The following DNAAF4 variants were observed in gnomAD, a reference collection of about 807,000 sequenced individuals.
The protein encoded by DNAAF4 is dynein assembly factor 4, axonemal.
Under a neutral mutation model 51.8 loss-of-function variants are expected in DNAAF4, and 43 were observed. That is an observed-to-expected ratio of 0.83 (90% CI 0.65 to 1.07). DNAAF4 has a LOEUF of 1.07. DNAAF4 is among the 50% of genes least tolerant of loss of function. The pLI is 0.00. For synonymous variants in DNAAF4, 194 were observed against 165.6 expected (o/e 1.17, Z -1.32); for missense variants, 581 against 493.0 (o/e 1.18, Z -1.69).
chr15:55,480,337 C>T (rs946089035), intron 4 of DNAAF4, among the ~76,000 whole-genome samples: 5 of 152,094 alleles, frequency 3.3e-5, no homozygotes, highest in Admixed American at 1.3e-4. Flanking sequence ...TGGGATCCCC[C>T]GATACCCAAG....
At chr15:55,445,886 G>A (rs1182210467) in intron 6 of DNAAF4, among the ~76,000 whole-genome samples, 23 of 144,464 alleles carry the variant, frequency 1.6e-4, no homozygotes, top group Admixed American at 1.1e-3. Flanking sequence ...TCCCAGATGC[G>A]GCAGCCAGGC....
At chr15:55,446,533 G>T (rs1271842024) in intron 6 of DNAAF4, among the ~76,000 whole-genome samples, 1 of 147,020 alleles carries the variant, frequency 6.8e-6, no homozygotes, top group Non-Finnish European at 1.5e-5. Flanking sequence ...TTCCCAGACC[G>T]GGTGGCCGGG....
intron 6 of DNAAF4, among the ~76,000 whole-genome samples, chr15:55,445,392 G>A (rs952602790): frequency 6.6e-6 from 1 of 152,118 alleles, no homozygotes; most frequent in African/African-American, 2.4e-5. Flanking sequence ...CCATGCAGAA[G>A]AATTTTTCTT....
chr15:55,465,821 C>T (rs2058163487), intron 5 of DNAAF4, among the ~76,000 whole-genome samples: 1 of 152,124 alleles, frequency 6.6e-6, no homozygotes, highest in Admixed American at 6.5e-5. Context: ...CCGCCTTGTC[C>T]TCCCAAAGTG....
At chr15:55,452,245 A>G (rs1444462152) in intron 5 of DNAAF4, among the ~76,000 whole-genome samples, 10 of 3,774 alleles carry the variant, frequency 2.6e-3, no homozygotes, top group African/African-American at 8.7e-3. Context: ...ATGTCTCACT[A>G]AAAAAAAAAA....
intron 4 of DNAAF4, among the ~76,000 whole-genome samples, chr15:55,470,760 G>A (rs919803294): frequency 6.6e-6 from 1 of 150,882 alleles, no homozygotes; most frequent in Non-Finnish European, 1.5e-5. Flanking sequence ...GCCCAGGCTG[G>A]TCTTGAACTC....
At position 55,454,731 on chromosome 15, in the gene DNAAF4, A is replaced by T. The variant is rs530926301; in HGVS notation, c.638-4364T>A. On this transcript the variant is annotated intron_variant, in intron 5 of 9. Transcript: ENST00000321149. ...AATAGTTTTGAAATTCCCAGAATTG[A>T]TGAATGACAAAGTTCTCTGAGTGAC... 2.0e-5 allele frequency among the ~76,000 whole-genome samples: 3 copies of T among 152,330 alleles called. No homozygotes were observed. In the South Asian group the frequency reaches 6.2e-4, roughly 32 times the overall value.
intron 9 of DNAAF4, 137 bp downstream of exon 9, chr15:55,432,360 C>A (rs2057509900): frequency 1.8e-6 from 1 of 570,566 alleles, no homozygotes. Flanking sequence ...AGATATACTG[C>A]AGACATTACT....
rs1555413834 is a variant in DNAAF4 at position 55,433,919 on chromosome 15, T to TATA, written c.1047+983_1047+985dup. On this transcript the variant is annotated intron_variant, in intron 8 of 9. Transcript: ENST00000321149. Reference sequence around the variant, plus strand: ...ATTATATATATTATATATAATTATATATATTATATTATATAAAATATATAT... The same window carrying TATA: ...ATTATATATATTATATATAATTATATATAATATTATATTATATAAAATATATAT... Among the ~76,000 whole-genome samples the TATA allele has an allele frequency of 7.6e-4, 5 of 6,576 alleles. 1 individual carries two copies. Among genetic ancestry groups the TATA allele is most frequent in the African/African-American group, 1.3e-3 (3 of 2,358 alleles). The allele number at this position is 6,576 out of a possible 152,430, so 4.3% of individuals were successfully genotyped here. A position where few individuals can be genotyped will look rare whatever the true frequency, so the allele number is the denominator to read the frequency against.
intron 9 of DNAAF4, 90 bp from the exon 10 acceptor site, chr15:55,430,869 T>C (rs1194099583): frequency 9.6e-7 from 1 of 1,041,952 alleles, no homozygotes; most frequent in Non-Finnish European, 1.4e-6. Context: ...ATAAAAATAA[T>C]CACTAGTAGC....
intron 4 of DNAAF4, among the ~76,000 whole-genome samples, chr15:55,475,209 T>C (rs1279290860): frequency 6.6e-6 from 1 of 152,116 alleles, no homozygotes; most frequent in Non-Finnish European, 1.5e-5. Context: ...AAATATAAAA[T>C]TCATCTGCAA....
intron 5 of DNAAF4, among the ~76,000 whole-genome samples, chr15:55,462,903 G>A (rs1262060019): frequency 6.6e-6 from 1 of 152,176 alleles, no homozygotes; most frequent in Non-Finnish European, 1.5e-5. Flanking sequence ...GAGTGTGGTG[G>A]CTCATGCCTG....
chr15:55,464,320 C>G (rs2058137706), intron 5 of DNAAF4, among the ~76,000 whole-genome samples: 1 of 152,180 alleles, frequency 6.6e-6, no homozygotes, highest in Non-Finnish European at 1.5e-5. Context: ...GGATCAAAGA[C>G]TTAAGTCTAA....
At chr15:55,423,045 G>T (rs2057401081) in intron 7 of DNAAF4, among the ~76,000 whole-genome samples, 1 of 151,804 alleles carries the variant, frequency 6.6e-6, no homozygotes, top group South Asian at 2.1e-4. Flanking sequence ...TCTACAAGAA[G>T]AAGCGGTAGA....
At chr15:55,485,246 T>C (rs145121021) in intron 4 of DNAAF4, among the ~76,000 whole-genome samples, 5 of 152,102 alleles carry the variant, frequency 3.3e-5, no homozygotes, top group Non-Finnish European at 7.4e-5. Flanking sequence ...AAGTCTGACA[T>C]ACACTGAAGA....
intron 9 of DNAAF4, among the ~76,000 whole-genome samples, chr15:55,431,815 C>T (rs964767805): frequency 1.3e-5 from 2 of 151,790 alleles, no homozygotes; most frequent in African/African-American, 4.8e-5. Context: ...CAGGGTCTCA[C>T]TATGTTGCCC....
chr15:55,455,119 C>CT (rs199815090), intron 5 of DNAAF4, among the ~76,000 whole-genome samples: 15,626 of 141,328 alleles, frequency 0.11, 1,620 homozygotes, highest in East Asian at 0.58. Flanking sequence ...GAAACTGAAT[C>CT]TTTTTTTTTT....
chr15:55,489,709 TA>T (rs1369403891), intron 4 of DNAAF4, among the ~76,000 whole-genome samples: 1 of 146,902 alleles, frequency 6.8e-6, no homozygotes, highest in African/African-American at 2.5e-5. Flanking sequence ...GTGGAAGTGA[TA>T]AAAAAAGTGG....
intron 4 of DNAAF4, among the ~76,000 whole-genome samples, chr15:55,472,137 G>C (rs2058264567): frequency 6.6e-6 from 1 of 152,172 alleles, no homozygotes; most frequent in African/African-American, 2.4e-5. Context: ...ACCGTGCCCA[G>C]CTCTTAAAGA....
Sources: allele counts gnomAD v4.1 joint callset (sites outside exome capture counted in the v4.1 genomes callset), GRCh38; gene constraint gnomAD v4.1.1; transcripts MANE v1.5; gene names NCBI Gene and HGNC (gene_info 2026-07-23, HGNC 2026-07-21).